RNF144A: variants seen among roughly 807,000 people sequenced by gnomAD.
RNF144A encodes the protein E3 ubiquitin-protein ligase RNF144A.
In RNF144A, 11 loss-of-function variants were observed where a neutral mutation model predicts 38.7. The ratio of observed to expected loss-of-function variants is 0.28; its 90% confidence interval spans 0.18 to 0.47. RNF144A has a LOEUF of 0.47. Among genes scored for constraint, RNF144A ranks in the 20% least tolerant of loss-of-function variants. RNF144A has a pLI of 0.99. For missense variants in RNF144A, 316 were observed against 377.2 expected, an observed-to-expected ratio of 0.84 and a Z score of 1.34; for synonymous variants, 149 against 143.9, an observed-to-expected ratio of 1.04 and a Z score of -0.25.
At chr2:6,942,123 C>T (rs1395922897) in intron 2 of RNF144A, among the ~76,000 whole-genome samples, 2 of 152,150 alleles carry the variant, frequency 1.3e-5, no homozygotes, top group East Asian at 1.9e-4. Context: ...TTGCAGATGG[C>T]AGAGGACAAG....
chr2:7,046,435 C>G (rs1673310270), downstream of RNF144A, among the ~76,000 whole-genome samples: 1 of 152,190 alleles, frequency 6.6e-6, no homozygotes, highest in Non-Finnish European at 1.5e-5. Context: ...ACTTCCCGTG[C>G]ATGTGACAGC....
chr2:7,047,347 A>G (rs1673347314), downstream of RNF144A, among the ~76,000 whole-genome samples: 1 of 152,200 alleles, frequency 6.6e-6, no homozygotes. Flanking sequence ...GCTGATTAAG[A>G]CATCTGAGAC....
rs575466349 is a variant in RNF144A, at chr2:6,956,236, G to GT, written c.-12+15098dup. Among the ~76,000 whole-genome samples the GT allele has an allele frequency of 3.2e-4, 47 of 147,684 alleles. 1 individual carries two copies. The highest frequency in any genetic ancestry group is 1.0e-3 in the Admixed American group (15 of 14,766). ...ACTAGCAAATTCTTTTCTTGTTTCTGTTTTTTTTTCGGGGGGTGGGGGATA... is the reference window on the plus strand; with the variant it reads ...ACTAGCAAATTCTTTTCTTGTTTCTGTTTTTTTTTTCGGGGGGTGGGGGATA... On this transcript the variant is annotated intron_variant, in intron 2 of 8. Transcript: ENST00000320892.
At chr2:6,978,834 A>G (rs1315089611) in intron 2 of RNF144A, 2 of 152,596 alleles carry the variant, frequency 1.3e-5, no homozygotes, top group Non-Finnish European at 2.9e-5. Flanking sequence ...ACCATGTCAG[A>G]ACTGAGTAAG....
intron 6 of RNF144A, among the ~76,000 whole-genome samples, chr2:7,056,053 A>C (rs903755918): frequency 1.3e-5 from 2 of 152,132 alleles, no homozygotes; most frequent in African/African-American, 4.8e-5. Flanking sequence ...GCCCTAGCCC[A>C]GTGGTTTGCT....
chr2:6,990,711 G>A (rs747686173), intron 2 of RNF144A, among the ~76,000 whole-genome samples: 6 of 151,902 alleles, frequency 3.9e-5, no homozygotes, highest in South Asian at 2.1e-4. Context: ...CATAGTTTAC[G>A]CTAGGTTTCA....
intron 2 of RNF144A, among the ~76,000 whole-genome samples, chr2:6,982,263 C>T (rs919960779): frequency 3.3e-5 from 5 of 152,174 alleles, no homozygotes; most frequent in Admixed American, 6.5e-5. Context: ...TGCAGCTACT[C>T]GTAAGTGTGT....
At chr2:7,014,914 A>G (rs1671044728) in intron 5 of RNF144A, 142 bp downstream of exon 5, 2 of 638,100 alleles carry the variant, frequency 3.1e-6, no homozygotes, top group Non-Finnish European at 5.5e-6. Context: ...TTCTGAAATT[A>G]AACTGACATT....
chr2:6,996,295 C>G (rs1669733513), intron 2 of RNF144A, among the ~76,000 whole-genome samples: 1 of 152,166 alleles, frequency 6.6e-6, no homozygotes, highest in African/African-American at 2.4e-5. Context: ...TTAGCAAAAG[C>G]TTCTCTTCCA....
intron 7 of RNF144A, among the ~76,000 whole-genome samples, chr2:7,027,247 C>G (rs1671969940): frequency 6.6e-6 from 1 of 152,252 alleles, no homozygotes; most frequent in Non-Finnish European, 1.5e-5. Flanking sequence ...AAGCGCATCT[C>G]CCCTTGAATC....
intron 2 of RNF144A, among the ~76,000 whole-genome samples, chr2:6,972,229 G>A (rs1441259395): frequency 1.3e-5 from 2 of 152,152 alleles, no homozygotes; most frequent in Non-Finnish European, 2.9e-5. Context: ...TGAATTGTGG[G>A]CACACACTCA....
Position 7,042,761 on chromosome 2 carries a change from A to G in RNF144A, c.*3001A>G, listed in dbSNP as rs1446882645. On this transcript the variant is annotated 3_prime_UTR_variant, in exon 9 of 9. Transcript: ENST00000320892. The stretch of plus-strand genomic sequence containing the variant: ...CAGAGACTGACTTAGGATCTGAGAT[A>G]AAGCATCGGATTGCAGGAATAACTG... 1.2e-5 allele frequency: 12 copies of G among 985,396 alleles called. No homozygotes were observed. In the African/African-American group the frequency reaches 1.6e-4, roughly 13 times the overall value. The allele number at this position is 985,396 out of a possible 1,614,324, so 61.0% of individuals were successfully genotyped here. A position where few individuals can be genotyped will look rare whatever the true frequency, so the allele number is the denominator to read the frequency against.
Position 7,043,141 on chromosome 2 carries a change from T to G in RNF144A, c.*3381T>G. 1.0e-6 allele frequency: 1 copy of G among 974,172 alleles called. No homozygotes were observed. The highest frequency in any genetic ancestry group is 1.2e-6 in the Non-Finnish European group (1 of 819,714). 60.3% of individuals were successfully genotyped at this position (974,172 alleles called of 1,614,324 possible). ...CCTCGGCTTCCCAAAGTGCTGGAAT[T>G]ACAGGCCTGAGCCACCCCACCCGGC... On this transcript the variant is annotated 3_prime_UTR_variant, in exon 9 of 9. Coordinates refer to ENST00000320892, the MANE Select transcript of RNF144A (RefSeq NM_014746.6).
At chr2:6,964,115 CGTT>C (rs141738479) in intron 2 of RNF144A, among the ~76,000 whole-genome samples, 2,452 of 152,216 alleles carry the variant, frequency 0.016, 71 homozygotes, top group African/African-American at 0.057. Context: ...CAAGAGAACA[CGTT>C]GGCTTCCAAT....
rs1672169992 is a variant in RNF144A at position 7,029,975 on chromosome 2, G to T, written c.658-151G>T. 8.0e-6 allele frequency: 5 copies of T among 621,956 alleles called. No individual in the cohort carries two copies. The East Asian group carries it at 1.4e-4, about 18-fold the overall frequency. The allele number at this position is 621,956 out of a possible 1,614,324, so 38.5% of individuals were successfully genotyped here. ...CTGGGCCTCCAGTGGCTGTGGCCAG[G>T]TGTTCCCGGATGCGTGCCCTTCCCT... is the stretch of plus-strand genomic sequence containing the variant. On this transcript the variant is annotated intron_variant, in intron 7 of 8. Coordinates refer to ENST00000320892, the MANE Select transcript of RNF144A (RefSeq NM_014746.6).
rs779736834 is a variant in RNF144A at position 7,042,709 on chromosome 2, A to T, written c.*2949A>T. The T allele has an allele frequency of 1.8e-5, 18 of 985,398 alleles. No homozygotes were observed. The highest frequency in any genetic ancestry group is 2.2e-5 in the Non-Finnish European group (18 of 829,976). The allele number at this position is 985,398 out of a possible 1,614,324, so 61.0% of individuals were successfully genotyped here. ...CATAGGAGGTCAGCACCTTGCAAAGATGCAGTCACCATAGATGTCCACGTA... is the reference window on the plus strand; with the variant it reads ...CATAGGAGGTCAGCACCTTGCAAAGTTGCAGTCACCATAGATGTCCACGTA... On this transcript the variant is annotated 3_prime_UTR_variant, in exon 9 of 9. Transcript: ENST00000320892.
chr2:7,015,188 C>T (rs1671057409), intron 5 of RNF144A, among the ~76,000 whole-genome samples: 1 of 152,120 alleles, frequency 6.6e-6, no homozygotes. Context: ...TACAGTAACC[C>T]CCGTCCTAAC....
chr2:7,020,046 T>A (rs1373025068), intron 5 of RNF144A, among the ~76,000 whole-genome samples: 1 of 151,924 alleles, frequency 6.6e-6, no homozygotes, highest in Non-Finnish European at 1.5e-5. Context: ...CCATCAGGGG[T>A]CCAGCTTCAG....
At position 7,043,538 on chromosome 2, in the gene RNF144A, A is replaced by G; in HGVS notation, c.*3778A>G. On this transcript the variant is annotated 3_prime_UTR_variant, in exon 9 of 9. Coordinates refer to ENST00000320892, the MANE Select transcript of RNF144A (RefSeq NM_014746.6). ...TGTAAAGCTTCATGAAGTTCTCTTT[A>G]AAAAATACCAAAGCTTGTTTATTTC... 1.0e-6 allele frequency: 1 copy of G among 985,696 alleles called. No individual in the cohort carries two copies. Among genetic ancestry groups the G allele is most frequent in the Non-Finnish European group, 1.2e-6 (1 of 829,800 alleles). 61.1% of individuals were successfully genotyped at this position (985,696 alleles called of 1,614,324 possible). A position where few individuals can be genotyped will look rare whatever the true frequency, so the allele number is the denominator to read the frequency against.
Sources: gnomAD v4.1 joint callset for allele counts (sites outside exome capture counted in the v4.1 genomes callset) on GRCh38, gnomAD v4.1.1 for gene constraint, MANE v1.5 for transcripts, NCBI Gene and HGNC (gene_info 2026-07-23, HGNC 2026-07-21) for gene names.